NFASC: variants seen among roughly 807,000 people sequenced by gnomAD.
The protein encoded by NFASC is neurofascin homolog.
In NFASC, 43 loss-of-function variants were observed where a neutral mutation model predicts 147.5. That is an observed-to-expected ratio of 0.29 (90% CI 0.23 to 0.38). NFASC has a LOEUF of 0.38. Among genes scored for constraint, NFASC ranks in the 10% least tolerant of loss-of-function variants. The pLI, the probability that NFASC is intolerant of heterozygous loss-of-function variation, is 1.00. For synonymous variants in NFASC, 622 were observed against 665.5 expected (o/e 0.93, Z 1.01); for missense variants, 1,320 against 1,689.0 (o/e 0.78, Z 3.83).
At chr1:204,902,697 C>T (rs1246891618) in intron 1 of NFASC, among the ~76,000 whole-genome samples, 2 of 152,016 alleles carry the variant, frequency 1.3e-5, no homozygotes, top group Non-Finnish European at 1.5e-5. Flanking sequence ...GTGCAAGAGT[C>T]GTTATGCTTT....
intron 2 of NFASC, among the ~76,000 whole-genome samples, chr1:204,932,169 G>T (rs1000071058): frequency 1.3e-5 from 2 of 152,094 alleles, no homozygotes; most frequent in African/African-American, 4.8e-5. Context: ...AAAACATAAA[G>T]GTCTTGCTTT....
At chr1:204,859,478 T>TA (rs2076480737) in intron 1 of NFASC, among the ~76,000 whole-genome samples, 1 of 152,240 alleles carries the variant, frequency 6.6e-6, no homozygotes, top group African/African-American at 2.4e-5. Flanking sequence ...CACTATACTG[T>TA]AAGCTCCATG....
intron 12 of NFASC, 112 bp from the exon 13 acceptor site, chr1:204,974,067 C>T: frequency 2.5e-6 from 2 of 787,290 alleles, no homozygotes; most frequent in South Asian, 3.3e-5. Context: ...GGGAAGGTGT[C>T]TCAGTGCCTG....
intron 1 of NFASC, among the ~76,000 whole-genome samples, chr1:204,857,996 T>C (rs567413943): frequency 4.8e-4 from 72 of 148,676 alleles, no homozygotes; most frequent in Non-Finnish European, 7.2e-4. Context: ...CTCAGCTTAC[T>C]ACGGCCTCCA....
chr1:204,857,919 C>CT (rs58996261), intron 1 of NFASC, among the ~76,000 whole-genome samples: 2,824 of 122,540 alleles, frequency 0.023, 51 homozygotes, highest in Non-Finnish European at 0.031. Flanking sequence ...TCTTCTTCTT[C>CT]TTTTTTTTTT....
chr1:204,834,450 T>A (rs970010650), intron 1 of NFASC, among the ~76,000 whole-genome samples: 2 of 152,070 alleles, frequency 1.3e-5, no homozygotes, highest in Non-Finnish European at 2.9e-5. Context: ...CACTCCCCTA[T>A]CATCCCCTCC....
At chr1:204,830,825 C>T (rs1047097158) in intron 1 of NFASC, among the ~76,000 whole-genome samples, 1 of 152,200 alleles carries the variant, frequency 6.6e-6, no homozygotes, top group South Asian at 2.1e-4. Flanking sequence ...GAGCGAATTG[C>T]AGACAGACTC....
Position 204,987,062 on chromosome 1 carries a change from T to A in NFASC, c.2471-356T>A. On this transcript the variant is annotated intron_variant, in intron 21 of 29. Transcript: ENST00000339876. This position sits in a 1 kb window ranked among gnomAD's most constrained non-coding sequence, Gnocchi z 4.4. ...CTGCAGCCTCTGTACAAAACAGCTGTAAGTGGTTCTCTACCTAGGAATGGC... is the reference window on the plus strand; with the variant it reads ...CTGCAGCCTCTGTACAAAACAGCTGAAAGTGGTTCTCTACCTAGGAATGGC... 7.1e-6 allele frequency: 2 copies of A among 280,628 alleles called. No individual in the cohort carries two copies. Among genetic ancestry groups the A allele is most frequent in the Non-Finnish European group, 1.4e-5 (2 of 147,764 alleles). 17.4% of individuals were successfully genotyped at this position (280,628 alleles called of 1,614,324 possible). A position where few individuals can be genotyped will look rare whatever the true frequency, so the allele number is the denominator to read the frequency against.
At chr1:204,908,300 A>G (rs1309931527) in intron 1 of NFASC, among the ~76,000 whole-genome samples, 3 of 151,980 alleles carry the variant, frequency 2.0e-5, no homozygotes, top group Non-Finnish European at 4.4e-5. Context: ...TATTTTTACA[A>G]TATTTTCTTC....
chr1:204,830,443 T>C (rs1052703295), intron 1 of NFASC, among the ~76,000 whole-genome samples: 37 of 152,286 alleles, frequency 2.4e-4, no homozygotes, highest in African/African-American at 8.9e-4. Context: ...TGTGGTGGAA[T>C]TGCATTGCAG....
At position 204,979,518 on chromosome 1, in the gene NFASC, A is replaced by T. The variant is rs1184725040; in HGVS notation, c.2135A>T (p.His712Leu). ...VIAINEVGSS[H>L]PSLPSERYRT... ...GCCATCAACGAGGTTGGGAGCAGCCACCCCAGCCTCCCATCCGAGCGCTAC... is the reference window on the plus strand; with the variant it reads ...GCCATCAACGAGGTTGGGAGCAGCCTCCCCAGCCTCCCATCCGAGCGCTAC... The change falls in exon 19 of 30, where the codon CAC becomes CTC. Residue 712 changes from histidine (H) to leucine (L), a missense_variant. His to Leu is a moderately conservative substitution (Grantham distance 99, BLOSUM62 -3). Coordinates refer to ENST00000339876, the MANE Select transcript of NFASC (RefSeq NM_001005388.3). This position sits in a 1 kb window ranked among gnomAD's most constrained non-coding sequence, Gnocchi z 6.0. 2 of 1,613,296 alleles carry T rather than the reference A, an allele frequency of 1.2e-6. No individual in the cohort carries two copies. Among genetic ancestry groups the T allele is most frequent in the Admixed American group, 1.7e-5 (1 of 59,976 alleles).
Position 204,973,438 on chromosome 1 carries a change from G to A in NFASC, c.1279+19G>A. On this transcript the variant is annotated intron_variant, in intron 12 of 29. Coordinates refer to ENST00000339876, the MANE Select transcript of NFASC (RefSeq NM_001005388.3). The stretch of plus-strand genomic sequence containing the variant: ...GTGCTGGGTGAGTGTGCCCTTCGCA[G>A]CCTGTTTCCCCCTCCTCTCCACTAC... 6.2e-7 allele frequency: 1 copy of A among 1,613,770 alleles called. No individual in the cohort carries two copies. Among genetic ancestry groups the A allele is most frequent in the African/African-American group, 1.3e-5 (1 of 75,060 alleles).
chr1:204,962,998 C>T (rs2094761159), intron 8 of NFASC, among the ~76,000 whole-genome samples: 2 of 152,176 alleles, frequency 1.3e-5, no homozygotes, highest in Admixed American at 6.5e-5. Context: ...CATTTGCTGG[C>T]TCTGGTGAGG....
intron 12 of NFASC, among the ~76,000 whole-genome samples, chr1:204,973,761 C>T (rs1030298424): frequency 6.6e-5 from 10 of 152,180 alleles, no homozygotes; most frequent in African/African-American, 1.9e-4. Context: ...TGGGACTGTC[C>T]CATCGCCTTG....
chr1:204,946,151 C>T (rs1195966848), intron 3 of NFASC, among the ~76,000 whole-genome samples: 6 of 152,196 alleles, frequency 3.9e-5, no homozygotes, highest in Admixed American at 3.9e-4. Context: ...GGGACGACCC[C>T]CACCCCACGT....
chr1:204,884,791 G>A (rs1452184411), intron 1 of NFASC, among the ~76,000 whole-genome samples: 4 of 152,096 alleles, frequency 2.6e-5, no homozygotes, highest in East Asian at 1.9e-4. Context: ...CCATCACCAC[G>A]TGATGGCTGG....
chr1:204,835,376 C>T (rs1673441464), intron 1 of NFASC, among the ~76,000 whole-genome samples: 1 of 151,938 alleles, frequency 6.6e-6, no homozygotes, highest in African/African-American at 2.4e-5. Flanking sequence ...TACAGGCATC[C>T]ACCACCACAC....
intron 2 of NFASC, among the ~76,000 whole-genome samples, chr1:204,926,401 TATA>T (rs1174919654): frequency 3.2e-4 from 4 of 12,330 alleles, no homozygotes; most frequent in African/African-American, 7.6e-4. Flanking sequence ...TATATATATA[TATA>T]TATTTTTTTT....
In NFASC at chr1:204,862,890, T is replaced by A. The variant is rs573187306; in HGVS notation, c.-200+34108T>A. Among the ~76,000 whole-genome samples the A allele has an allele frequency of 2.6e-5, 4 of 152,330 alleles. No individual in the cohort carries two copies. In the East Asian group the frequency reaches 7.7e-4, roughly 29 times the overall value. On this transcript the variant is annotated intron_variant, in intron 1 of 29. Coordinates refer to ENST00000339876, the MANE Select transcript of NFASC (RefSeq NM_001005388.3). ...TAGCCTAGACTACTCAAGGCTTCCC[T>A]GTAAACTTCAAATATTTTAGCCAGC...
Sources: allele counts gnomAD v4.1 joint callset (sites outside exome capture counted in the v4.1 genomes callset), GRCh38; gene constraint gnomAD v4.1.1; non-coding constraint Gnocchi (gnomAD v3.1); transcripts MANE v1.5; gene names NCBI Gene and HGNC (gene_info 2026-07-23, HGNC 2026-07-21).